Variants in ARHGEF38 observed in about 807,000 individuals in gnomAD.
ARHGEF38 encodes the protein Rho guanine nucleotide exchange factor (GEF) 38.
ARHGEF38 carries 79 observed loss-of-function variants against 79.9 expected under a neutral mutation model. That is an observed-to-expected ratio of 0.99 (90% CI 0.82 to 1.19). ARHGEF38 has a LOEUF of 1.19. ARHGEF38 is among the 50% of genes most tolerant of loss of function. The pLI is 0.00. For missense variants in ARHGEF38, 962 were observed against 907.2 expected (o/e 1.06, Z -0.78); for synonymous variants, 366 against 328.3 (o/e 1.11, Z -1.24).
intron 13 of ARHGEF38, among the ~76,000 whole-genome samples, chr4:105,668,916 C>A (rs1023534497): frequency 2.0e-5 from 3 of 151,970 alleles, no homozygotes; most frequent in Admixed American, 6.6e-5. Context: ...AGTGGTTGCC[C>A]ACATCTGTAG....
At position 105,591,926 on chromosome 4, in the gene ARHGEF38, C is replaced by T. The variant is rs926990912; in HGVS notation, c.384+2491C>T. On this transcript the variant is annotated intron_variant, in intron 2 of 13. Coordinates refer to ENST00000420470, the MANE Select transcript of ARHGEF38 (RefSeq NM_001242729.2). ...ATATAAATGTTTTCTGCTGTGTTTTCTTTATTTTATTAACATATAAACCAG... is the reference window on the plus strand; with the variant it reads ...ATATAAATGTTTTCTGCTGTGTTTTTTTTATTTTATTAACATATAAACCAG... Among the ~76,000 whole-genome samples the T allele has an allele frequency of 1.3e-5, 2 of 152,198 alleles. 1 individual carries two copies. Among genetic ancestry groups the T allele is most frequent in the Admixed American group, 1.3e-4 (2 of 15,290 alleles).
At chr4:105,585,573 A>G (rs1726994083) in intron 1 of ARHGEF38, among the ~76,000 whole-genome samples, 1 of 152,204 alleles carries the variant, frequency 6.6e-6, no homozygotes, top group Non-Finnish European at 1.5e-5. Context: ...CTGCTTTAAT[A>G]TACAGCTGCA....
In ARHGEF38 at chr4:105,654,123, T is replaced by G; in HGVS notation, c.1067T>G (p.Val356Gly). 1.3e-6 allele frequency: 2 copies of G among 1,522,012 alleles called. No homozygotes were observed. The highest frequency in any genetic ancestry group is 1.8e-6 in the Non-Finnish European group (2 of 1,137,110). 94.3% of individuals were successfully genotyped at this position (1,522,012 alleles called of 1,614,324 possible). A position where few individuals can be genotyped will look rare whatever the true frequency, so the allele number is the denominator to read the frequency against. ...CTGTTTAGAGCTTTAGAAAAGACTG[T>G]GAGGCTTTGTGTGAAGAACATTTCA... Reference protein sequence around the residue: ...EKLFRALEKTVRLCVKNISLC... With the variant: ...EKLFRALEKTGRLCVKNISLC... Residue 356 changes from valine to glycine, a missense_variant, in exon 8 of 14, where the codon GTG becomes GGG. Val to Gly is a moderately radical substitution (Grantham distance 109). Coordinates refer to ENST00000420470, the MANE Select transcript of ARHGEF38 (RefSeq NM_001242729.2).
At chr4:105,639,607 C>A (rs1363051509) in intron 5 of ARHGEF38, among the ~76,000 whole-genome samples, 2 of 151,858 alleles carry the variant, frequency 1.3e-5, no homozygotes, top group Non-Finnish European at 2.9e-5. Flanking sequence ...CTAGTTAATT[C>A]TCATAACATC....
chr4:105,608,056 C>T (rs1248816853), intron 2 of ARHGEF38, among the ~76,000 whole-genome samples: 3 of 152,214 alleles, frequency 2.0e-5, no homozygotes, highest in Middle Eastern at 3.4e-3. Flanking sequence ...GATCAAGATG[C>T]CAGCAGATTC....
intron 1 of ARHGEF38, among the ~76,000 whole-genome samples, chr4:105,582,695 A>C (rs1726854991): frequency 6.6e-6 from 1 of 152,164 alleles, no homozygotes; most frequent in Admixed American, 6.5e-5. Flanking sequence ...TAATTATTGG[A>C]GTAAATATTT....
At chr4:105,666,064 C>T in intron 10 of ARHGEF38, 113 bp from the exon 11 acceptor site, 1 of 907,022 alleles carries the variant, frequency 1.1e-6, no homozygotes, top group Non-Finnish European at 1.5e-6. Context: ...CCTAACTTTT[C>T]ACAATGGAGC....
At chr4:105,659,432 A>G (rs544646971) in intron 10 of ARHGEF38, 67 bp downstream of exon 10, 3 of 1,428,664 alleles carry the variant, frequency 2.1e-6, no homozygotes, top group African/African-American at 2.8e-5. Context: ...CCACACCCAT[A>G]CGAAAGCCCT....
intron 2 of ARHGEF38, among the ~76,000 whole-genome samples, chr4:105,601,382 G>T (rs1374532): frequency 2.8e-4 from 42 of 152,094 alleles, no homozygotes; most frequent in Non-Finnish European, 4.1e-4. Flanking sequence ...ATCTATCTTA[G>T]ACTGGATTCC....
At chr4:105,609,947 A>G (rs1196492146) in intron 2 of ARHGEF38, among the ~76,000 whole-genome samples, 1 of 152,110 alleles carries the variant, frequency 6.6e-6, no homozygotes, top group African/African-American at 2.4e-5. Context: ...GCAAAGACAT[A>G]GAATCAACCC....
rs1406426527 is a variant in ARHGEF38, at chr4:105,676,969, C to CT, written c.2149-772dup. Among the ~76,000 whole-genome samples, 656 of 144,358 alleles carry CT rather than the reference C, an allele frequency of 4.5e-3. 2 individuals carry two copies. Among genetic ancestry groups the CT allele is most frequent in the East Asian group, 0.017 (86 of 5,014 alleles). 94.7% of individuals were successfully genotyped at this position (144,358 alleles called of 152,430 possible). On this transcript the variant is annotated intron_variant, in intron 13 of 13. Transcript: ENST00000420470. ...TTTTTGTTGTTGTTTTGTGTTTTTT[C>CT]TTTTTTTTTTTGGAGACAGAGTCTC...
At position 105,645,257 on chromosome 4, in the gene ARHGEF38, C is replaced by A. The variant is rs544936591; in HGVS notation, c.744C>A (p.Pro248=). 65 of 1,536,612 alleles carry A rather than the reference C, an allele frequency of 4.2e-5. No homozygotes were observed. The African/African-American group carries it at 5.7e-4, about 14-fold the overall frequency. ...IKPIQRVMKY[P]LLLCELRNST... ...CAATTCAACGTGTGATGAAATACCC[C>A]CTATTACTGTGCGAACTTCGGAATT... The change falls in exon 6 of 14, where the codon CCC becomes CCA. Residue 248 remains proline (P), a synonymous_variant. Transcript: ENST00000420470.
intron 3 of ARHGEF38, among the ~76,000 whole-genome samples, chr4:105,618,015 AAGAG>A (rs1443013247): frequency 6.6e-6 from 1 of 152,154 alleles, no homozygotes; most frequent in Non-Finnish European, 1.5e-5. Flanking sequence ...TTTTGAAAAA[AAGAG>A]AGAGAGAATG....
intron 3 of ARHGEF38, among the ~76,000 whole-genome samples, chr4:105,623,293 T>C (rs756845477): frequency 6.6e-6 from 1 of 152,216 alleles, no homozygotes; most frequent in South Asian, 2.1e-4. Flanking sequence ...GTTACTGTCG[T>C]CACTGAGTCT....
intron 5 of ARHGEF38, among the ~76,000 whole-genome samples, chr4:105,638,047 T>G (rs1729469862): frequency 1.3e-5 from 2 of 152,118 alleles, no homozygotes; most frequent in South Asian, 4.1e-4. Context: ...GCACACATAC[T>G]GCTACAGGAA....
Position 105,680,037 on chromosome 4 carries a change from T to C in ARHGEF38, c.*2100T>C. On this transcript the variant is annotated 3_prime_UTR_variant, in exon 14 of 14. Coordinates refer to ENST00000420470, the MANE Select transcript of ARHGEF38 (RefSeq NM_001242729.2). ...ATGGCCATGTCAGTTACATTCTTCT[T>C]CGTCTCACAGAAAATAATAGCCCTC... 1 of 890,494 alleles carries C rather than the reference T, an allele frequency of 1.1e-6. No individual in the cohort carries two copies. Among genetic ancestry groups the C allele is most frequent in the Non-Finnish European group, 1.9e-6 (1 of 525,608 alleles). 55.2% of individuals were successfully genotyped at this position (890,494 alleles called of 1,614,324 possible).
intron 4 of ARHGEF38, chr4:105,632,686 A>G (rs1017913306): frequency 1.3e-5 from 2 of 152,190 alleles, no homozygotes; most frequent in Admixed American, 6.5e-5. Flanking sequence ...GGGTTCTAGA[A>G]CTAAGCGTGA....
chr4:105,630,184 G>A (rs547227952), intron 3 of ARHGEF38, among the ~76,000 whole-genome samples: 2 of 151,582 alleles, frequency 1.3e-5, no homozygotes, highest in South Asian at 4.2e-4. Context: ...ACTTGCTCAA[G>A]TCAAAGTGCC....
chr4:105,617,408 C>T (rs971838495), intron 3 of ARHGEF38, among the ~76,000 whole-genome samples: 3 of 152,070 alleles, frequency 2.0e-5, no homozygotes, highest in African/African-American at 7.2e-5. Context: ...TGAAAATTTG[C>T]ATTTATTTTT....
Sources: allele counts gnomAD v4.1 joint callset (sites outside exome capture counted in the v4.1 genomes callset), GRCh38; gene constraint gnomAD v4.1.1; transcripts MANE v1.5; gene names NCBI Gene and HGNC (gene_info 2026-07-23, HGNC 2026-07-21).